The following EFS variants were observed in gnomAD, a reference collection of about 807,000 sequenced individuals.
EFS encodes embryonal Fyn-associated substrate.
A neutral mutation model predicts 42.2 loss-of-function variants in EFS; 34 were observed. That is an observed-to-expected ratio of 0.81 (90% confidence interval 0.61 to 1.07). The LOEUF (loss-of-function observed/expected upper bound fraction) is 1.07. EFS is among the 50% of genes least tolerant of loss of function. EFS has a pLI of 0.00. For synonymous variants in EFS, 299 were observed against 320.7 expected, an observed-to-expected ratio of 0.93 and a Z score of 0.72; for missense variants, 717 against 729.4, an observed-to-expected ratio of 0.98 and a Z score of 0.20.
intron 2 of EFS, 31 bp from the exon 3 acceptor site, chr14:23,360,312 G>A (rs1890102482): frequency 1.9e-6 from 3 of 1,588,418 alleles, no homozygotes; most frequent in Non-Finnish European, 2.6e-6. Context: ...GGGGTCAGGA[G>A]GAACGGAGGG....
Position 23,360,712 on chromosome 14 carries a change from C to G in EFS, c.140G>C (p.Cys47Ser). The G allele has an allele frequency of 6.2e-7, 1 of 1,613,956 alleles. No homozygotes were observed. Among genetic ancestry groups the G allele is most frequent in the Non-Finnish European group, 8.5e-7 (1 of 1,179,964 alleles). Residue 47 changes from cysteine (C) to serine (S), a missense_variant, in exon 2 of 6, where the codon TGC becomes TCC. Physicochemically the swap from Cys to Ser is moderately radical, Grantham distance 112. Transcript: ENST00000216733. ...REGAGGLDGW[C>S]LCSLHGQQGI... is the part of the protein sequence containing the mutation. ...CTGCTGGCCGTGTAGGGAGCAGAGG[C>G]ACCAGCCGTCCAGTCCACCAGCGCC...
Position 23,357,361 on chromosome 14 carries a change from G to A in EFS, c.1551C>T (p.Ala517=). The change falls in exon 6 of 6, where the codon GCC becomes GCT. Residue 517 remains alanine, a synonymous_variant. Transcript: ENST00000216733. ...AGTALGQALR[A]TVLAVKGAAL... ...CAGCTCCCTTGACAGCCAGCACAGT[G>A]GCCCGCAATGCCTGGCCCAGTGCTG... is the stretch of plus-strand genomic sequence containing the variant. 2 of 1,611,194 alleles carry A rather than the reference G, an allele frequency of 1.2e-6. No homozygotes were observed. Among genetic ancestry groups the A allele is most frequent in the South Asian group, 1.1e-5 (1 of 90,936 alleles).
chr14:23,365,124 G>T lies in EFS; in HGVS notation c.-99C>A. The T allele has an allele frequency of 8.7e-7, 1 of 1,148,098 alleles. No individual in the cohort carries two copies. The allele number at this position is 1,148,098 out of a possible 1,614,324, so 71.1% of individuals were successfully genotyped here. On this transcript the variant is annotated 5_prime_UTR_variant, in exon 1 of 6. The change creates a new upstream start codon in the 5' untranslated region. Transcript: ENST00000216733. The surrounding 1 kb of genome is among the most constrained non-coding windows in gnomAD (Gnocchi z 5.3). ...CATGGTCCGCGGCCTCTAGCCCCCAGCTGTGGCGCCTGAGTCGTGGCCTCC... is the reference window on the plus strand; with the variant it reads ...CATGGTCCGCGGCCTCTAGCCCCCATCTGTGGCGCCTGAGTCGTGGCCTCC...
chr14:23,359,875 T>C lies in EFS; in HGVS notation c.603A>G (p.Glu201=), dbSNP rs866699554. ...GGCCTCCTTCCCACTCCAGATCTGG[T>C]TCCAGCTCTGCAGGTGGCTTTGGGG... ...PLTPKPPAEL[E]PDLEWEGGRE... is the part of the protein sequence containing the mutation. The change falls in exon 4 of 6, where the codon GAA becomes GAG. Residue 201 remains glutamate (E), a synonymous_variant. Transcript: ENST00000216733. The C allele has an allele frequency of 2.0e-6, 3 of 1,531,888 alleles. No homozygotes were observed. Among genetic ancestry groups the C allele is most frequent in the Middle Eastern group, 1.8e-4 (1 of 5,660 alleles). The allele number at this position is 1,531,888 out of a possible 1,614,324, so 94.9% of individuals were successfully genotyped here. A position where few individuals can be genotyped will look rare whatever the true frequency, so the allele number is the denominator to read the frequency against.
intron 1 of EFS, among the ~76,000 whole-genome samples, chr14:23,363,392 G>A (rs149724342): frequency 1.3e-4 from 20 of 152,300 alleles, no homozygotes; most frequent in African/African-American, 3.1e-4. Flanking sequence ...ATGACAAAGC[G>A]CAGCACAGGG....
At chr14:23,364,820 C>T (rs1442801170) in intron 1 of EFS, among the ~76,000 whole-genome samples, 188 bp downstream of exon 1, 1 of 151,718 alleles carries the variant, frequency 6.6e-6, no homozygotes, top group Non-Finnish European at 1.5e-5. Flanking sequence ...GAGCCCGGAG[C>T]CAGGAGGAGC....
chr14:23,365,056 GC>G lies in EFS; in HGVS notation c.-32del. Reference sequence around the variant, plus strand: ...TGGCCTCCCGCGCAGCCTGCCTCAGGCCAGGCTCGGTTTTGCTGACTTCAGC... The same window carrying G: ...TGGCCTCCCGCGCAGCCTGCCTCAGGCAGGCTCGGTTTTGCTGACTTCAGC... On this transcript the variant is annotated 5_prime_UTR_variant, in exon 1 of 6. Coordinates refer to ENST00000216733, the MANE Select transcript of EFS (RefSeq NM_005864.4). This position sits in a 1 kb window ranked among gnomAD's most constrained non-coding sequence, Gnocchi z 5.3. 1 of 1,300,072 alleles carries G rather than the reference GC, an allele frequency of 7.7e-7. No homozygotes were observed. Among genetic ancestry groups the G allele is most frequent in the Non-Finnish European group, 9.9e-7 (1 of 1,014,388 alleles). 80.5% of individuals were successfully genotyped at this position (1,300,072 alleles called of 1,614,324 possible). A position where few individuals can be genotyped will look rare whatever the true frequency, so the allele number is the denominator to read the frequency against.
intron 5 of EFS, among the ~76,000 whole-genome samples, chr14:23,358,107 G>A (rs764520689): frequency 1.6e-4 from 25 of 151,990 alleles, no homozygotes; most frequent in Non-Finnish European, 1.6e-4. Context: ...TTCCCATACT[G>A]AGTCTGTAAA....
intron 1 of EFS, among the ~76,000 whole-genome samples, chr14:23,362,432 T>G (rs1266734381): frequency 6.6e-6 from 1 of 152,256 alleles, no homozygotes; most frequent in East Asian, 1.9e-4. Context: ...TCCTCTTAGC[T>G]GATGTTTCCC....
Position 23,357,464 on chromosome 14 carries a change from C to A in EFS, c.1448G>T (p.Arg483Leu). 6.2e-7 allele frequency: 1 copy of A among 1,613,904 alleles called. No individual in the cohort carries two copies. Among genetic ancestry groups the A allele is most frequent in the South Asian group, 1.1e-5 (1 of 91,052 alleles). Reference protein sequence around the residue: ...HSKRVVVAAHRLVFVGDTLGR... With the variant: ...HSKRVVVAAHLLVFVGDTLGR... ...CAGGGTGTCCCCAACAAACACCAGG[C>A]GATGAGCAGCCACCACCACCCTCTT... Residue 483 changes from arginine to leucine, a missense_variant, in exon 6 of 6, where the codon CGC becomes CTC. Physicochemically the swap from Arg to Leu is moderately radical, Grantham distance 102. Coordinates refer to ENST00000216733, the MANE Select transcript of EFS (RefSeq NM_005864.4).
chr14:23,359,197 G>A (rs1018869534), intron 4 of EFS, 120 bp downstream of exon 4: 8 of 1,484,760 alleles, frequency 5.4e-6, no homozygotes, highest in Non-Finnish European at 7.4e-6. Context: ...AGGCTGCAGG[G>A]TAGAGGGAAG....
chr14:23,360,064 C>G, intron 3 of EFS, 25 bp from the exon 4 acceptor site: 1 of 1,614,028 alleles, frequency 6.2e-7, no homozygotes, highest in Non-Finnish European at 8.5e-7. Context: ...GGTCAGTCAT[C>G]TGTCAGCTCA....
chr14:23,359,395 C>G lies in EFS; in HGVS notation c.1083G>C (p.Met361Ile). The G allele has an allele frequency of 6.2e-7, 1 of 1,612,750 alleles. No homozygotes were observed. The highest frequency in any genetic ancestry group is 1.1e-5 in the South Asian group (1 of 91,066). The change falls in exon 4 of 6, where the codon ATG becomes ATC. Residue 361 changes from methionine (M) to isoleucine (I), a missense_variant. Physicochemically the swap from Met to Ile is conservative, Grantham distance 10. Coordinates refer to ENST00000216733, the MANE Select transcript of EFS (RefSeq NM_005864.4). ...TGTGGTGTCCTGCTGGGTCATCCTC[C>G]ATCTCCCTGCCCTCTGGATCCCCCT... is the stretch of plus-strand genomic sequence containing the variant. ...KVEGDPEGREMEDDPAGHHNE... is the reference protein window; with the variant it reads ...KVEGDPEGREIEDDPAGHHNE...
At chr14:23,359,075 G>A (rs1366507553) in intron 4 of EFS, 110 bp from the exon 5 acceptor site, 2 of 1,177,018 alleles carry the variant, frequency 1.7e-6, no homozygotes, top group African/African-American at 1.5e-5. Flanking sequence ...GGACACTCCT[G>A]TTATCAGAGG....
chr14:23,361,946 A>C (rs1890168454), intron 1 of EFS, among the ~76,000 whole-genome samples: 2 of 152,232 alleles, frequency 1.3e-5, no homozygotes, highest in Non-Finnish European at 2.9e-5. Context: ...CTGAACCCTA[A>C]GCTGCTTGAT....
chr14:23,364,585 G>A (rs1331702408), intron 1 of EFS, among the ~76,000 whole-genome samples: 2 of 151,932 alleles, frequency 1.3e-5, no homozygotes, highest in Non-Finnish European at 1.5e-5. Flanking sequence ...TCCTGGGGTC[G>A]TTCAGCCTCT....
chr14:23,359,471 G>A lies in EFS; in HGVS notation c.1007C>T (p.Pro336Leu), dbSNP rs747177013. ...PGRKGSIQDRPLPPPPPRLPG... is the reference protein window; with the variant it reads ...PGRKGSIQDRLLPPPPPRLPG... ...CAGGCGGGGTGGGGGTGGGGGCAGA[G>A]GCCGGTCCTGGATGCTGCCCTTCCG... The change falls in exon 4 of 6, where the codon CCT (proline) becomes CTT (leucine). Residue 336 changes from proline to leucine, a missense_variant. Physicochemically the swap from Pro to Leu is moderately conservative, Grantham distance 98. Coordinates refer to ENST00000216733, the MANE Select transcript of EFS (RefSeq NM_005864.4). The A allele has an allele frequency of 4.1e-5, 66 of 1,598,034 alleles. No homozygotes were observed. The highest frequency in any genetic ancestry group is 5.5e-5 in the Non-Finnish European group (65 of 1,173,692).
chr14:23,359,160 A>C (rs1241026057), intron 4 of EFS, among the ~76,000 whole-genome samples, 157 bp downstream of exon 4: 1 of 152,152 alleles, frequency 6.6e-6, no homozygotes, highest in African/African-American at 2.4e-5. Flanking sequence ...CACTGGTACA[A>C]GTGTTGTGGC....
chr14:23,363,630 A>C (rs1890225959), intron 1 of EFS, among the ~76,000 whole-genome samples: 1 of 152,074 alleles, frequency 6.6e-6, no homozygotes, highest in Non-Finnish European at 1.5e-5. Flanking sequence ...CCATCGTTAC[A>C]GATTGAGGAA....
Sources: allele counts gnomAD v4.1 joint callset (sites outside exome capture counted in the v4.1 genomes callset), GRCh38; gene constraint gnomAD v4.1.1; non-coding constraint Gnocchi (gnomAD v3.1); transcripts MANE v1.5; gene names NCBI Gene and HGNC (gene_info 2026-07-23, HGNC 2026-07-21).